The following KIAA1958 variants were observed in gnomAD, a reference collection of about 807,000 sequenced individuals.
KIAA1958 encodes the protein KIAA1958.
KIAA1958 carries 14 observed loss-of-function variants against 47.2 expected under a neutral mutation model. That is an observed-to-expected ratio of 0.30 (90% CI 0.20 to 0.46). The LOEUF (loss-of-function observed/expected upper bound fraction) is 0.46. Ranked by LOEUF, KIAA1958 falls within the 20% of genes least tolerant of loss-of-function variation. The pLI, the probability that KIAA1958 is intolerant of heterozygous loss-of-function variation, is 1.00. For missense variants in KIAA1958, 803 were observed against 909.2 expected (o/e 0.88, Z 1.50); for synonymous variants, 354 against 353.3 (o/e 1.00, Z -0.02).
At chr9:112,497,212 A>G (rs897463655) in intron 1 of KIAA1958, among the ~76,000 whole-genome samples, 3 of 152,138 alleles carry the variant, frequency 2.0e-5, no homozygotes, top group Admixed American at 6.6e-5. Flanking sequence ...GTCCCTGCAA[A>G]TTCATATGTT....
At chr9:112,610,660 C>T (rs1049820734) in intron 2 of KIAA1958, among the ~76,000 whole-genome samples, 7 of 152,108 alleles carry the variant, frequency 4.6e-5, no homozygotes, top group African/African-American at 1.7e-4. Context: ...CCTCACAACC[C>T]CTCCAGGACA....
chr9:112,611,281 T>C (rs1247604388), intron 2 of KIAA1958, among the ~76,000 whole-genome samples: 2 of 152,132 alleles, frequency 1.3e-5, no homozygotes, highest in African/African-American at 4.8e-5. Flanking sequence ...AAAGAAGTGA[T>C]AAAATTACCA....
intron 1 of KIAA1958, among the ~76,000 whole-genome samples, chr9:112,560,198 C>CTT (rs745805478): frequency 0.12 from 12,769 of 108,446 alleles, 977 homozygotes; most frequent in East Asian, 0.19. Flanking sequence ...TTTTCTTTTT[C>CTT]TTTTTTTTTC....
chr9:112,536,873 A>G (rs958382034), intron 1 of KIAA1958, among the ~76,000 whole-genome samples: 2 of 152,220 alleles, frequency 1.3e-5, no homozygotes, highest in Admixed American at 6.5e-5. Flanking sequence ...AAGATAAAAA[A>G]TAATAATAAA....
chr9:112,643,175 T>C (rs1836921720), intron 2 of KIAA1958, among the ~76,000 whole-genome samples: 1 of 152,356 alleles, frequency 6.6e-6, no homozygotes, highest in African/African-American at 2.4e-5. Context: ...CTGAGAATTT[T>C]ATCCTTATAG....
chr9:112,507,218 A>C (rs1834248191), intron 1 of KIAA1958, among the ~76,000 whole-genome samples: 1 of 152,236 alleles, frequency 6.6e-6, no homozygotes, highest in Admixed American at 6.5e-5. Flanking sequence ...AAGGGGTGGC[A>C]TATGACTCTC....
intron 2 of KIAA1958, among the ~76,000 whole-genome samples, chr9:112,578,394 C>T (rs1303548932): frequency 6.6e-6 from 1 of 152,154 alleles, no homozygotes; most frequent in African/African-American, 2.4e-5. Context: ...GCAAAGAAGA[C>T]AGGTTCTGAA....
At chr9:112,617,001 T>G (rs1192395483) in intron 2 of KIAA1958, among the ~76,000 whole-genome samples, 2 of 152,248 alleles carry the variant, frequency 1.3e-5, no homozygotes, top group East Asian at 3.8e-4. Flanking sequence ...CCTGGATGAT[T>G]CTGAAGCACA....
intron 2 of KIAA1958, among the ~76,000 whole-genome samples, chr9:112,591,188 A>G (rs1835913138): frequency 6.6e-6 from 1 of 152,014 alleles, no homozygotes; most frequent in Admixed American, 6.6e-5. Context: ...GGTTCGTGCC[A>G]TTCTCCTGCC....
chr9:112,629,152 AG>A (rs1836667944), intron 2 of KIAA1958, among the ~76,000 whole-genome samples: 1 of 152,130 alleles, frequency 6.6e-6, no homozygotes, highest in African/African-American at 2.4e-5. Flanking sequence ...GGGAATAAAA[AG>A]ATTTATCAAT....
intron 1 of KIAA1958, among the ~76,000 whole-genome samples, chr9:112,522,622 T>C (rs1834565269): frequency 6.6e-6 from 1 of 152,226 alleles, no homozygotes; most frequent in African/African-American, 2.4e-5. Context: ...CATTGCTTGC[T>C]TTGACCTTGG....
intron 2 of KIAA1958, among the ~76,000 whole-genome samples, chr9:112,589,425 C>T (rs1385412121): frequency 6.6e-6 from 1 of 152,132 alleles, no homozygotes; most frequent in Admixed American, 6.5e-5. Context: ...GGAGAAACCC[C>T]ATCTCTAGAG....
intron 1 of KIAA1958, among the ~76,000 whole-genome samples, chr9:112,496,301 TAAAGA>T (rs1264599750): frequency 2.6e-5 from 4 of 152,200 alleles, no homozygotes; most frequent in Non-Finnish European, 5.9e-5. Context: ...TATGTTGAGC[TAAAGA>T]AGCCAGACAG....
chr9:112,507,323 T>C (rs1834249678), intron 1 of KIAA1958, among the ~76,000 whole-genome samples: 1 of 152,188 alleles, frequency 6.6e-6, no homozygotes, highest in Non-Finnish European at 1.5e-5. Flanking sequence ...TGTGTGGAAC[T>C]GACTGAGTAT....
rs541417128 is a variant in KIAA1958 at position 112,497,767 on chromosome 9, C to T, written c.-25+10649C>T. On this transcript the variant is annotated intron_variant, in intron 1 of 3. Coordinates refer to ENST00000337530, the MANE Select transcript of KIAA1958 (RefSeq NM_133465.4). ...GGGAGGTTCAATACAGTTTTATCAC[C>T]TTTTTAGGTTTCTGTTTCTACCAGC... Among the ~76,000 whole-genome samples the T allele has an allele frequency of 5.3e-5, 8 of 152,092 alleles. No homozygotes were observed. The South Asian group carries it at 1.5e-3, about 28-fold the overall frequency.
intron 1 of KIAA1958, among the ~76,000 whole-genome samples, chr9:112,501,745 C>T (rs1174367183): frequency 1.3e-5 from 2 of 152,132 alleles, no homozygotes; most frequent in Admixed American, 6.5e-5. Context: ...ACCCCAGCTC[C>T]CATCTATGAC....
intron 1 of KIAA1958, among the ~76,000 whole-genome samples, chr9:112,562,574 C>T (rs1430228945): frequency 6.6e-6 from 1 of 152,168 alleles, no homozygotes; most frequent in African/African-American, 2.4e-5. Flanking sequence ...CTCACCTATT[C>T]AGAATACTTG....
At chr9:112,617,853 C>A in intron 2 of KIAA1958, 1 of 1,531,332 alleles carries the variant, frequency 6.5e-7, no homozygotes, top group Non-Finnish European at 8.8e-7. Flanking sequence ...CTATCCCTCC[C>A]CCCCCAATTT....
At chr9:112,548,874 G>C (rs1447448381) in intron 1 of KIAA1958, among the ~76,000 whole-genome samples, 1 of 152,150 alleles carries the variant, frequency 6.6e-6, no homozygotes, top group Non-Finnish European at 1.5e-5. Flanking sequence ...GTCCTTATAA[G>C]AAGTAGAAAT....
Sources: allele counts gnomAD v4.1 joint callset (sites outside exome capture counted in the v4.1 genomes callset), GRCh38; gene constraint gnomAD v4.1.1; transcripts MANE v1.5; gene names NCBI Gene and HGNC (gene_info 2026-07-23, HGNC 2026-07-21).